Variants in SGK2 observed in about 807,000 individuals in gnomAD.
SGK2 encodes serum/glucocorticoid regulated kinase 2.
SGK2 carries 36 observed loss-of-function variants against 47.5 expected under a neutral mutation model. The ratio of observed to expected loss-of-function variants is 0.76; its 90% CI spans 0.58 to 1.00. The LOEUF (loss-of-function observed/expected upper bound fraction) is 1.00, where lower values mean the gene tolerates loss of function less well. Among genes scored for constraint, SGK2 ranks in the 50% least tolerant of loss-of-function variants. The pLI, the probability that SGK2 is intolerant of heterozygous loss-of-function variation, is 0.00. For synonymous variants in SGK2, 157 were observed against 181.9 expected (o/e 0.86, Z 1.10); for missense variants, 404 against 467.4 (o/e 0.86, Z 1.25).
chr20:43,561,413 C>T (rs1979368638), intron 1 of SGK2, among the ~76,000 whole-genome samples: 1 of 123,146 alleles, frequency 8.1e-6, no homozygotes, highest in Non-Finnish European at 1.6e-5. Context: ...TTTTTTGAGA[C>T]AGAGTCTTGC....
chr20:43,579,216 A>G (rs1207460111), intron 11 of SGK2, among the ~76,000 whole-genome samples: 1 of 151,968 alleles, frequency 6.6e-6, no homozygotes, highest in African/African-American at 2.4e-5. Context: ...GAGGTCAACC[A>G]TGTTGACCAG....
chr20:43,570,994 C>T (rs1980076600), intron 7 of SGK2, 30 bp from the exon 8 acceptor site: 1 of 1,612,158 alleles, frequency 6.2e-7, no homozygotes. Context: ...GCTGAGACAC[C>T]TCAAGGCTGT....
chr20:43,579,945 A>G, intron 11 of SGK2, 27 bp from the exon 12 acceptor site: 1 of 1,565,318 alleles, frequency 6.4e-7, no homozygotes, highest in Admixed American at 1.7e-5. Flanking sequence ...ACTTCTAACC[A>G]GAACCTTTTT....
chr20:43,576,236 A>G lies in SGK2; in HGVS notation c.706A>G (p.Ser236Gly). The change falls in exon 11 of 13, where the codon AGC becomes GGC. Residue 236 changes from serine to glycine, a missense_variant. Ser to Gly is a moderately conservative substitution (Grantham distance 56). Transcript: ENST00000373100. The stretch of plus-strand genomic sequence containing the variant: ...CCTCTCTCCCCAGCCGCCCTTCTAC[A>G]GCCAAGATGTATCCCAGATGTATGA... The part of the protein sequence containing the change: ...EMLHGLPPFY[S>G]QDVSQMYENI... 1.2e-6 allele frequency: 2 copies of G among 1,614,094 alleles called. No homozygotes were observed. The highest frequency in any genetic ancestry group is 1.7e-6 in the Non-Finnish European group (2 of 1,179,942).
chr20:43,565,510 T>C (rs1291121965), intron 1 of SGK2, among the ~76,000 whole-genome samples: 1 of 152,170 alleles, frequency 6.6e-6, no homozygotes, highest in Non-Finnish European at 1.5e-5. Context: ...TCCCCTTCAC[T>C]TTCTCTGTTC....
rs1264207084 is a variant in SGK2, at chr20:43,567,667, C to T, written c.89C>T (p.Ala30Val). 1.2e-6 allele frequency: 2 copies of T among 1,614,008 alleles called. No individual in the cohort carries two copies. Among genetic ancestry groups the T allele is most frequent in the African/African-American group, 1.3e-5 (1 of 74,924 alleles). ...INLGPSANPN[A>V]QPTDFDFLKV... ...CGTGTTTTTCCCTCTTCCCCCAGTGCCCAGCCCACGGACTTCGACTTCCTC... is the reference window on the plus strand; with the variant it reads ...CGTGTTTTTCCCTCTTCCCCCAGTGTCCAGCCCACGGACTTCGACTTCCTC... Residue 30 changes from alanine to valine, a missense_variant and splice_region_variant, in exon 4 of 13, where the codon GCC becomes GTC. Transcript: ENST00000373100.
intron 11 of SGK2, among the ~76,000 whole-genome samples, chr20:43,577,334 T>G (rs1361299484): frequency 6.6e-6 from 1 of 150,394 alleles, no homozygotes; most frequent in Non-Finnish European, 1.5e-5. Flanking sequence ...GAGAGTGGAC[T>G]GCACTGCATC....
At chr20:43,564,470 C>A (rs1023433316) in intron 1 of SGK2, among the ~76,000 whole-genome samples, 2 of 152,128 alleles carry the variant, frequency 1.3e-5, no homozygotes, top group Non-Finnish European at 2.9e-5. Flanking sequence ...GCCCCCTAGC[C>A]GCACGCATGC....
At position 43,576,132 on chromosome 20, in the gene SGK2, A is replaced by T. The variant is rs967558651; in HGVS notation, c.694-92A>T. The stretch of plus-strand genomic sequence containing the variant: ...TTGCACAAGACAGGGGTCATACTGA[A>T]TCCTCCCAGCCGCCCACCTTGCTCC... On this transcript the variant is annotated intron_variant, in intron 10 of 12. Coordinates refer to ENST00000373100, the MANE Select transcript of SGK2 (RefSeq NM_170693.3). The T allele has an allele frequency of 4.0e-6, 6 of 1,484,824 alleles. No individual in the cohort carries two copies. The African/African-American group carries it at 6.9e-5, about 17-fold the overall frequency. 92.0% of individuals were successfully genotyped at this position (1,484,824 alleles called of 1,614,324 possible). A position where few individuals can be genotyped will look rare whatever the true frequency, so the allele number is the denominator to read the frequency against.
chr20:43,566,321 G>A (rs987012878), intron 1 of SGK2, 152 bp from the exon 2 acceptor site: 1 of 1,610,276 alleles, frequency 6.2e-7, no homozygotes, highest in Non-Finnish European at 8.5e-7. Context: ...CATCCATGCA[G>A]GGGTTGCTTA....
chr20:43,574,790 C>T, intron 9 of SGK2, 119 bp from the exon 10 acceptor site: 1 of 656,158 alleles, frequency 1.5e-6, no homozygotes, highest in Non-Finnish European at 2.8e-6. Flanking sequence ...CACACACAGC[C>T]ACAGAGCACA....
In SGK2 at chr20:43,576,227, C is replaced by G; in HGVS notation, c.697C>G (p.Pro233Ala). The G allele has an allele frequency of 1.9e-6, 3 of 1,614,018 alleles. No individual in the cohort carries two copies. Among genetic ancestry groups the G allele is most frequent in the Non-Finnish European group, 2.5e-6 (3 of 1,179,874 alleles). The part of the protein sequence containing the change: ...VLYEMLHGLP[P>A]FYSQDVSQMY... Reference sequence around the variant, plus strand: ...GCTGTTCTCCCTCTCTCCCCAGCCGCCCTTCTACAGCCAAGATGTATCCCA... The same window carrying G: ...GCTGTTCTCCCTCTCTCCCCAGCCGGCCTTCTACAGCCAAGATGTATCCCA... Residue 233 changes from proline (P) to alanine (A), a missense_variant, in exon 11 of 13, where the codon CCC (proline) becomes GCC (alanine). Physicochemically the swap from Pro to Ala is conservative, Grantham distance 27. Coordinates refer to ENST00000373100, the MANE Select transcript of SGK2 (RefSeq NM_170693.3).
At chr20:43,568,093 A>G in intron 5 of SGK2, 94 bp downstream of exon 5, 2 of 988,422 alleles carry the variant, frequency 2.0e-6, no homozygotes, top group Non-Finnish European at 3.2e-6. Flanking sequence ...TGACAGGTCC[A>G]TGGGCCTGGG....
intron 1 of SGK2, among the ~76,000 whole-genome samples, chr20:43,561,855 C>T (rs183464945): frequency 5.4e-4 from 82 of 152,236 alleles, no homozygotes; most frequent in Admixed American, 5.0e-3. Context: ...TTGCAATAAT[C>T]CATTCAAGTG....
rs953514285 is a variant in SGK2, at chr20:43,572,028, C to G, written c.511-23C>G. Reference sequence around the variant, plus strand: ...ACCCTTGGCTCATACCACCCTCCAGCCCATGCCCTCCGTCATTCTCAGGGA... The same window carrying G: ...ACCCTTGGCTCATACCACCCTCCAGGCCATGCCCTCCGTCATTCTCAGGGA... On this transcript the variant is annotated intron_variant, in intron 8 of 12. Transcript: ENST00000373100. The surrounding 1 kb of genome is among the most constrained non-coding windows in gnomAD (Gnocchi z 4.2). The G allele has an allele frequency of 6.5e-7, 1 of 1,535,022 alleles. No homozygotes were observed. The highest frequency in any genetic ancestry group is 8.8e-7 in the Non-Finnish European group (1 of 1,133,904).
At position 43,567,963 on chromosome 20, in the gene SGK2, G is replaced by A. The variant is rs1345925418; in HGVS notation, c.192G>A (p.Lys64=). ...CTGATGGGGCGTTCTATGCAGTGAA[G>A]GTACTACAGAAAAAGTCCATCTTAA... is the stretch of plus-strand genomic sequence containing the variant. ...RKSDGAFYAV[K]VLQKKSILKK... is the part of the protein sequence containing the mutation. The change falls in exon 5 of 13, where the codon AAG becomes AAA. Residue 64 remains lysine, a synonymous_variant. Coordinates refer to ENST00000373100, the MANE Select transcript of SGK2 (RefSeq NM_170693.3). 1 of 1,614,178 alleles carries A rather than the reference G, an allele frequency of 6.2e-7. No homozygotes were observed. The highest frequency in any genetic ancestry group is 1.1e-5 in the South Asian group (1 of 91,074).
In SGK2 at chr20:43,571,915, G is replaced by A. The variant is rs370596712; in HGVS notation, c.511-136G>A. The A allele has an allele frequency of 3.6e-4, 229 of 631,704 alleles. 1 individual carries two copies. The African/African-American group carries it at 3.8e-3, about 10-fold the overall frequency. 39.1% of individuals were successfully genotyped at this position (631,704 alleles called of 1,614,324 possible). A position where few individuals can be genotyped will look rare whatever the true frequency, so the allele number is the denominator to read the frequency against. The stretch of plus-strand genomic sequence containing the variant: ...CAGTCCAGGAGCCCTGTGTTGGAGT[G>A]GAGCCTCCAGCCTGTGCCTGGGCAT... On this transcript the variant is annotated intron_variant, in intron 8 of 12. Transcript: ENST00000373100.
chr20:43,577,920 C>T (rs888158466), intron 11 of SGK2, among the ~76,000 whole-genome samples: 2 of 152,104 alleles, frequency 1.3e-5, no homozygotes, highest in African/African-American at 4.8e-5. Flanking sequence ...GCTAGGATTA[C>T]AGGCATGAGC....
At chr20:43,584,546 A>G (rs1980987501) in intron 12 of SGK2, among the ~76,000 whole-genome samples, 1 of 152,158 alleles carries the variant, frequency 6.6e-6, no homozygotes, top group Non-Finnish European at 1.5e-5. Flanking sequence ...TGTAAGCTCC[A>G]TGAATGCAGG....
Sources: gnomAD v4.1 joint callset for allele counts (sites outside exome capture counted in the v4.1 genomes callset) on GRCh38, gnomAD v4.1.1 for gene constraint, Gnocchi (gnomAD v3.1) non-coding constraint, MANE v1.5 for transcripts, NCBI Gene and HGNC (gene_info 2026-07-23, HGNC 2026-07-21) for gene names.